Variants in UBE2O observed in about 807,000 individuals in gnomAD.
UBE2O encodes the protein ubiquitin conjugating enzyme E2 O, also known as (E3-independent) E2 ubiquitin-conjugating enzyme.
A neutral mutation model predicts 125.8 loss-of-function variants in UBE2O; 15 were observed. The observed-to-expected ratio is 0.12, with a 90% CI of 0.08 to 0.18. UBE2O has a LOEUF of 0.18. Among genes scored for constraint, UBE2O ranks in the 10% least tolerant of loss-of-function variants. The pLI, the probability that UBE2O is intolerant of heterozygous loss-of-function variation, is 1.00. For synonymous variants in UBE2O, 708 were observed against 703.2 expected (o/e 1.01, Z -0.11); for missense variants, 1,280 against 1,723.6 (o/e 0.74, Z 4.56).
At chr17:76,418,064 G>A (rs2072645298) in intron 1 of UBE2O, among the ~76,000 whole-genome samples, 1 of 152,196 alleles carries the variant, frequency 6.6e-6, no homozygotes, top group African/African-American at 2.4e-5. Flanking sequence ...ACAGAGCTGG[G>A]ACACGTGGAG....
At chr17:76,401,854 C>A (rs578206791) in intron 5 of UBE2O, 9 of 379,014 alleles carry the variant, frequency 2.4e-5, no homozygotes, top group African/African-American at 9.8e-5. Context: ...CCAGCCTGGG[C>A]GACAGTGAGA....
chr17:76,444,258 G>A (rs969756810), intron 1 of UBE2O, among the ~76,000 whole-genome samples: 1 of 151,116 alleles, frequency 6.6e-6, no homozygotes, highest in African/African-American at 2.5e-5. Flanking sequence ...AAACAAAGAG[G>A]GTGTGGTCAG....
chr17:76,437,525 G>A (rs1400020871), intron 1 of UBE2O, among the ~76,000 whole-genome samples: 5 of 152,094 alleles, frequency 3.3e-5, no homozygotes, highest in African/African-American at 1.2e-4. Context: ...TTGGATCCTG[G>A]AAAAGAAAAC....
Position 76,398,161 on chromosome 17 carries a change from T to C in UBE2O, c.2025+94A>G, listed in dbSNP as rs1181438275. On this transcript the variant is annotated intron_variant, in intron 12 of 17. Transcript: ENST00000319380. The surrounding 1 kb of genome is among the most constrained non-coding windows in gnomAD (Gnocchi z 5.4). ...ACTGAGCCCAGAGGACTTTCAGGTC[T>C]TGTCTCCTAGAGCCACCTGGTGGCA... 1.3e-6 allele frequency: 2 copies of C among 1,564,644 alleles called. No individual in the cohort carries two copies. Among genetic ancestry groups the C allele is most frequent in the Non-Finnish European group, 1.7e-6 (2 of 1,143,776 alleles).
intron 1 of UBE2O, among the ~76,000 whole-genome samples, chr17:76,431,760 C>T (rs1165782362): frequency 6.6e-6 from 1 of 152,162 alleles, no homozygotes; most frequent in Non-Finnish European, 1.5e-5. Context: ...TGGGCCAAGA[C>T]TCCATCTCTA....
chr17:76,423,459 C>A (rs555653357), intron 1 of UBE2O, among the ~76,000 whole-genome samples: 1 of 151,580 alleles, frequency 6.6e-6, no homozygotes, highest in Non-Finnish European at 1.5e-5. Context: ...TTCGGGAGGC[C>A]GAGGTGGGAG....
Position 76,445,587 on chromosome 17 carries a change from G to A in UBE2O, c.417+7138C>T, listed in dbSNP as rs138631138. 4.2e-4 allele frequency among the ~76,000 whole-genome samples: 64 copies of A among 152,266 alleles called. No individual in the cohort carries two copies. In the East Asian group the frequency reaches 0.011, roughly 27 times the overall value. On this transcript the variant is annotated intron_variant, in intron 1 of 17. Coordinates refer to ENST00000319380, the MANE Select transcript of UBE2O (RefSeq NM_022066.4). Reference sequence around the variant, plus strand: ...GGAGAACACAGCCTACCTGTGTCTAGGGGTGACCTGGACAAAGCTGACCCA... The same window carrying A: ...GGAGAACACAGCCTACCTGTGTCTAAGGGTGACCTGGACAAAGCTGACCCA...
chr17:76,413,666 G>A (rs1045452223), intron 1 of UBE2O, among the ~76,000 whole-genome samples: 3 of 152,120 alleles, frequency 2.0e-5, no homozygotes, highest in Non-Finnish European at 2.9e-5. Flanking sequence ...CCCAGCACCT[G>A]CGCCGACTCT....
intron 1 of UBE2O, among the ~76,000 whole-genome samples, chr17:76,435,380 T>C (rs1191511714): frequency 6.6e-6 from 1 of 150,590 alleles, no homozygotes; most frequent in Non-Finnish European, 1.5e-5. Flanking sequence ...TTTGCATATA[T>C]TATCTGTTTA....
rs764649091 is a variant in UBE2O, at chr17:76,396,462, C to T, written c.2475G>A (p.Lys825=). 5.0e-6 allele frequency: 8 copies of T among 1,614,134 alleles called. No individual in the cohort carries two copies. In the Admixed American group the frequency reaches 1.2e-4, roughly 24 times the overall value. ...TCAGCAGCTGCTCCACAGTCATGTTCTTGAGGCTCTCCAGGATCTTGATGG... is the reference window on the plus strand; with the variant it reads ...TCAGCAGCTGCTCCACAGTCATGTTTTTGAGGCTCTCCAGGATCTTGATGG... ...KEAIKILESL[K]NMTVEQLLTG... The change falls in exon 14 of 18, where the codon AAG becomes AAA. Residue 825 remains lysine, a synonymous_variant. Coordinates refer to ENST00000319380, the MANE Select transcript of UBE2O (RefSeq NM_022066.4). This position sits in a 1 kb window ranked among gnomAD's most constrained non-coding sequence, Gnocchi z 6.7.
chr17:76,406,311 G>A lies in UBE2O; in HGVS notation c.418-739C>T, dbSNP rs117222678. ...ACCAGGCCAGCCTGCGTCTTTTTTA[G>A]CTGGTTCCTCAAACCTGGGGCAGCT... On this transcript the variant is annotated intron_variant, in intron 1 of 17. Transcript: ENST00000319380. 3.9e-5 allele frequency among the ~76,000 whole-genome samples: 6 copies of A among 152,270 alleles called. No individual in the cohort carries two copies. In the East Asian group the frequency reaches 9.6e-4, roughly 24 times the overall value.
chr17:76,404,213 G>A lies in UBE2O; in HGVS notation c.588+993C>T, dbSNP rs750731052. 2.0e-5 allele frequency among the ~76,000 whole-genome samples: 3 copies of A among 152,318 alleles called. No homozygotes were observed. Among genetic ancestry groups the A allele is most frequent in the Middle Eastern group, 3.4e-3 (1 of 294 alleles). On this transcript the variant is annotated intron_variant, in intron 3 of 17. Transcript: ENST00000319380. This position sits in a 1 kb window ranked among gnomAD's most constrained non-coding sequence, Gnocchi z 4.3. ...GGTTATAGACATAATCTGGGACTAC[G>A]TTCCCACAAAATACAATCACTTAAA... is the stretch of plus-strand genomic sequence containing the variant.
At chr17:76,440,769 G>T (rs989024381) in intron 1 of UBE2O, among the ~76,000 whole-genome samples, 2 of 152,222 alleles carry the variant, frequency 1.3e-5, no homozygotes, top group Non-Finnish European at 2.9e-5. Flanking sequence ...ACATGACCAT[G>T]CCCATTCATT....
chr17:76,400,662 G>C lies in UBE2O; in HGVS notation c.895-112C>G. On this transcript the variant is annotated intron_variant, in intron 6 of 17. Transcript: ENST00000319380. The surrounding 1 kb of genome is among the most constrained non-coding windows in gnomAD (Gnocchi z 4.3). ...AGAGCAGGAAACTGATCTTCCTAGT[G>C]CAGCACCAAGTACAGACACATCAGA... 1.4e-6 allele frequency: 1 copy of C among 714,108 alleles called. No individual in the cohort carries two copies. The highest frequency in any genetic ancestry group is 2.3e-6 in the Non-Finnish European group (1 of 429,280). The allele number at this position is 714,108 out of a possible 1,614,324, so 44.2% of individuals were successfully genotyped here.
At position 76,452,825 on chromosome 17, in the gene UBE2O, C is replaced by A. The variant is rs1203872522; in HGVS notation, c.317G>T (p.Gly106Val). 1.3e-6 allele frequency: 2 copies of A among 1,504,422 alleles called. No homozygotes were observed. Among genetic ancestry groups the A allele is most frequent in the Non-Finnish European group, 1.8e-6 (2 of 1,127,690 alleles). The allele number at this position is 1,504,422 out of a possible 1,614,324, so 93.2% of individuals were successfully genotyped here. ...GGCCCGGCCCTCCTCGTGGCCCGCG[C>A]CCCCGGCCTCGGAGCACCCCGAGCT... ...RGSSGCSEAG[G>V]AGHEEGRASP... Residue 106 changes from glycine to valine, a missense_variant, in exon 1 of 18, where the codon GGC (glycine) becomes GTC (valine). By Grantham distance (109) the Gly-to-Val change is moderately radical. Coordinates refer to ENST00000319380, the MANE Select transcript of UBE2O (RefSeq NM_022066.4). This position sits in a 1 kb window ranked among gnomAD's most constrained non-coding sequence, Gnocchi z 4.4.
At chr17:76,421,310 G>A (rs959891769) in intron 1 of UBE2O, among the ~76,000 whole-genome samples, 15 of 152,106 alleles carry the variant, frequency 9.9e-5, no homozygotes, top group African/African-American at 3.6e-4. Flanking sequence ...CTGAAACACT[G>A]GAGTCACCCA....
chr17:76,441,828 ATG>A (rs1305723592), intron 1 of UBE2O, among the ~76,000 whole-genome samples: 1 of 152,188 alleles, frequency 6.6e-6, no homozygotes, highest in Non-Finnish European at 1.5e-5. Context: ...CTTTCAATAG[ATG>A]GTTCCTGACT....
In UBE2O at chr17:76,398,528, C is replaced by T. The variant is rs775214887; in HGVS notation, c.1840G>A (p.Gly614Ser). 6.8e-6 allele frequency: 11 copies of T among 1,613,944 alleles called. No homozygotes were observed. The highest frequency in any genetic ancestry group is 3.3e-5 in the Admixed American group (2 of 59,994). ...YGVVQSGDHI[G>S]RTCMVKWFKL... ...AACCACTTCACCATGCAGGTACGGCCGATGTGGTCCCCAGACTGTACCACA... is the reference window on the plus strand; with the variant it reads ...AACCACTTCACCATGCAGGTACGGCTGATGTGGTCCCCAGACTGTACCACA... The change falls in exon 11 of 18, where the codon GGC (glycine) becomes AGC (serine). Residue 614 changes from glycine (G) to serine (S), a missense_variant. Gly to Ser is a moderately conservative substitution (Grantham distance 56, BLOSUM62 0). This residue lies in a region of UBE2O where 145 missense variants were observed against 219.6 expected (regional missense o/e 0.66). Coordinates refer to ENST00000319380, the MANE Select transcript of UBE2O (RefSeq NM_022066.4). This position sits in a 1 kb window ranked among gnomAD's most constrained non-coding sequence, Gnocchi z 5.4.
chr17:76,401,967 C>A, intron 5 of UBE2O, 97 bp downstream of exon 5: 2 of 1,302,402 alleles, frequency 1.5e-6, no homozygotes, highest in Non-Finnish European at 2.1e-6. Flanking sequence ...TCTAGGAAAC[C>A]GCTCTGTTTA....
Sources: gnomAD v4.1 joint callset for allele counts (sites outside exome capture counted in the v4.1 genomes callset) on GRCh38, gnomAD v4.1.1 for gene constraint, gnomAD v4.1.1 regional missense constraint, Gnocchi (gnomAD v3.1) non-coding constraint, MANE v1.5 for transcripts, NCBI Gene and HGNC (gene_info 2026-07-23, HGNC 2026-07-21) for gene names.